Variants in MED14 observed in about 807,000 individuals in gnomAD.
MED14 encodes the protein mediator of RNA polymerase II transcription subunit 14.
A neutral mutation model predicts 109.0 loss-of-function variants in MED14; 8 were observed. That is an observed-to-expected ratio of 0.07 (90% CI 0.04 to 0.13). The LOEUF is 0.13. Ranked by LOEUF, MED14 falls within the 10% of genes least tolerant of loss-of-function variation. The pLI is 1.00. For synonymous variants in MED14, 399 were observed against 408.7 expected (o/e 0.98, Z 0.29); for missense variants, 711 against 1,142.4 (o/e 0.62, Z 5.44).
intron 6 of MED14, 66 bp from the exon 7 acceptor site, chrX:40,712,359 C>T: frequency 1.4e-6 from 1 of 703,565 alleles, no homozygotes; most frequent in South Asian, 3.2e-5. Context: ...ACTATACCAA[C>T]TAAGGAAGCA....
intron 25 of MED14, 130 bp from the exon 26 acceptor site, chrX:40,663,290 A>C: frequency 1.9e-6 from 1 of 536,877 alleles, no homozygotes; most frequent in Non-Finnish European, 3.0e-6. Context: ...CTTGTGGTGT[A>C]ACAATCATAT....
chrX:40,673,544 A>AC (rs1221854915), intron 22 of MED14, among the ~76,000 whole-genome samples: 4 of 111,795 alleles, frequency 3.6e-5, no homozygotes, highest in African/African-American at 1.3e-4. Flanking sequence ...TATCTAATAA[A>AC]CTAGCGCTGC....
At chrX:40,690,799 T>C (rs1266408382) in intron 15 of MED14, among the ~76,000 whole-genome samples, 1 of 112,268 alleles carries the variant, frequency 8.9e-6, no homozygotes, top group Admixed American at 9.4e-5. Context: ...TGGTTCACAC[T>C]ACAACAGCAG....
chrX:40,692,914 A>C lies in MED14; in HGVS notation c.1651-12T>G. 1 of 1,125,605 alleles carries C rather than the reference A, an allele frequency of 8.9e-7. No homozygotes were observed. Among genetic ancestry groups the C allele is most frequent in the Non-Finnish European group, 1.2e-6 (1 of 851,360 alleles). The allele number at this position is 1,125,605 out of a possible 1,213,427, so 92.8% of individuals were successfully genotyped here. A position where few individuals can be genotyped will look rare whatever the true frequency, so the allele number is the denominator to read the frequency against. Reference sequence around the variant, plus strand: ...AACATCTCCACAACCTAAAAATCCCAAAAAGAAATAAGACTTAGAGAAATA... The same window carrying C: ...AACATCTCCACAACCTAAAAATCCCCAAAAGAAATAAGACTTAGAGAAATA... On this transcript the variant is annotated splice_polypyrimidine_tract_variant and intron_variant, in intron 13 of 30. Coordinates refer to ENST00000324817, the MANE Select transcript of MED14 (RefSeq NM_004229.4).
chrX:40,658,392 T>C (rs1192921571), intron 28 of MED14, among the ~76,000 whole-genome samples: 1 of 111,417 alleles, frequency 9.0e-6, no homozygotes, highest in Non-Finnish European at 1.9e-5. Flanking sequence ...GCACCCGGCC[T>C]GCACTTCAGT....
intron 24 of MED14, among the ~76,000 whole-genome samples, chrX:40,665,269 A>G (rs1405760226): frequency 8.9e-6 from 1 of 111,805 alleles, no homozygotes; most frequent in Admixed American, 9.5e-5. Flanking sequence ...CACACTTGTA[A>G]TCCCAGCACT....
chrX:40,654,974 C>T lies in MED14; in HGVS notation c.4059G>A (p.Gly1353=). Residue 1353 remains glycine, a synonymous_variant, in exon 29 of 31, where the codon GGG becomes GGA. Coordinates refer to ENST00000324817, the MANE Select transcript of MED14 (RefSeq NM_004229.4). ...PPSAPPIAPP[G]TPAVVLKSKM... ...TGGATTTCAGCACCACAGCAGGCGT[C>T]CCAGGAGGTGCAATCGGCGGCGCGC... is the stretch of plus-strand genomic sequence containing the variant. 8.3e-7 allele frequency: 1 copy of T among 1,211,101 alleles called. No individual in the cohort carries two copies. The highest frequency in any genetic ancestry group is 1.7e-5 in the African/African-American group (1 of 57,800).
At chrX:40,693,098 AAAG>A (rs1254997713) in intron 13 of MED14, among the ~76,000 whole-genome samples, 196 bp from the exon 14 acceptor site, 2 of 112,247 alleles carry the variant, frequency 1.8e-5, no homozygotes, top group Non-Finnish European at 3.8e-5. Flanking sequence ...AGATGAGACC[AAAG>A]AAGAATGATA....
Position 40,692,697 on chromosome X carries a change from T to C in MED14, c.1845+11A>G, listed in dbSNP as rs1199805958. 7 of 1,191,502 alleles carry C rather than the reference T, an allele frequency of 5.9e-6. No individual in the cohort carries two copies. The highest frequency in any genetic ancestry group is 7.9e-6 in the Non-Finnish European group (7 of 888,679). ...CACAAATTCTGTGCTCATTTTCATA[T>C]GGAATCATACCTTGCGCTTGGCATT... On this transcript the variant is annotated intron_variant, in intron 14 of 30. Coordinates refer to ENST00000324817, the MANE Select transcript of MED14 (RefSeq NM_004229.4).
Position 40,687,323 on chromosome X carries a change from G to A in MED14, c.2057+1131C>T, listed in dbSNP as rs374755619. Among the ~76,000 whole-genome samples the A allele has an allele frequency of 1.3e-4, 14 of 111,400 alleles. No homozygotes were observed. In the East Asian group the frequency reaches 2.8e-3, roughly 23 times the overall value. On this transcript the variant is annotated intron_variant, in intron 16 of 30. Coordinates refer to ENST00000324817, the MANE Select transcript of MED14 (RefSeq NM_004229.4). ...TTTCTCTCCTAACTCCTTGTGGAAC[G>A]TACCCTACTCTGAGCTACCAACAAC...
At chrX:40,671,764 G>T in intron 23 of MED14, 97 bp downstream of exon 23, 1 of 490,623 alleles carries the variant, frequency 2.0e-6, no homozygotes, top group Non-Finnish European at 3.4e-6. Flanking sequence ...TCTCTCTGAA[G>T]CCTGAGACTA....
intron 3 of MED14, chrX:40,726,386 A>C (rs1931894546): frequency 8.4e-6 from 1 of 119,304 alleles, no homozygotes; most frequent in Non-Finnish European, 1.7e-5. Context: ...AAAAAAAAAA[A>C]AAACCAACTC....
At position 40,732,085 on chromosome X, in the gene MED14, G is replaced by T. The variant is rs1238436699; in HGVS notation, c.216-2740C>A. 2.7e-5 allele frequency among the ~76,000 whole-genome samples: 3 copies of T among 112,613 alleles called. 1 individual carries two copies. In the Admixed American group the frequency reaches 2.8e-4, roughly 11 times the overall value. On this transcript the variant is annotated intron_variant, in intron 1 of 30. Transcript: ENST00000324817. ...GAAGGGGCAGAGTACTATTTTATAG[G>T]TGGTCAGAGAAAATCTTTCTGATAA...
chrX:40,734,680 T>TAA (rs765289240), intron 1 of MED14, among the ~76,000 whole-genome samples: 2 of 112,334 alleles, frequency 1.8e-5, no homozygotes, highest in Admixed American at 1.9e-4. Flanking sequence ...ACAGACTACT[T>TAA]ACAAAAAAAT....
At chrX:40,661,615 A>G (rs367608595) in intron 26 of MED14, among the ~76,000 whole-genome samples, 38 of 112,563 alleles carry the variant, frequency 3.4e-4, no homozygotes, top group African/African-American at 1.2e-3. Context: ...AGGGCTTTAC[A>G]TGAACTATCT....
At chrX:40,704,656 T>C (rs1228238842) in intron 10 of MED14, among the ~76,000 whole-genome samples, 6 of 112,656 alleles carry the variant, frequency 5.3e-5, no homozygotes, top group African/African-American at 1.9e-4. Flanking sequence ...AACCTTTTAC[T>C]ATAAATTTTC....
At chrX:40,676,388 A>G (rs1413652521) in intron 21 of MED14, among the ~76,000 whole-genome samples, 1 of 112,580 alleles carries the variant, frequency 8.9e-6, no homozygotes, top group Non-Finnish European at 1.9e-5. Context: ...TGAAGCAATA[A>G]GTAACAAAGA....
chrX:40,716,443 A>G (rs1353738099), intron 3 of MED14, among the ~76,000 whole-genome samples: 2 of 110,338 alleles, frequency 1.8e-5, no homozygotes, highest in East Asian at 2.8e-4. Flanking sequence ...AAATTAAAAA[A>G]CAAAAAAATT....
chrX:40,722,654 C>T (rs1458454692), intron 3 of MED14, among the ~76,000 whole-genome samples: 1 of 111,244 alleles, frequency 9.0e-6, no homozygotes, highest in Non-Finnish European at 1.9e-5. Context: ...AGCCCAAAGA[C>T]GACTCAAGGC....
Sources: gnomAD v4.1 joint callset for allele counts (sites outside exome capture counted in the v4.1 genomes callset) on GRCh38, gnomAD v4.1.1 for gene constraint, MANE v1.5 for transcripts, NCBI Gene and HGNC (gene_info 2026-07-23, HGNC 2026-07-21) for gene names.